CARD14: variants seen among roughly 807,000 people sequenced by gnomAD.
CARD14 encodes caspase recruitment domain-containing protein 14.
CARD14 carries 107 observed loss-of-function variants against 111.5 expected under a neutral mutation model. That is an observed-to-expected ratio of 0.96 (90% confidence interval 0.82 to 1.13). The LOEUF is 1.13. Among genes scored for constraint, CARD14 ranks in the 50% most tolerant of loss-of-function variants. CARD14 has a pLI of 0.00. For synonymous variants in CARD14, 617 were observed against 579.6 expected (o/e 1.06, Z -0.93); for missense variants, 1,322 against 1,362.3 (o/e 0.97, Z 0.47).
At chr17:80,190,051 C>A (rs1041734454) in intron 9 of CARD14, among the ~76,000 whole-genome samples, 179 bp downstream of exon 9, 5 of 152,136 alleles carry the variant, frequency 3.3e-5, no homozygotes, top group African/African-American at 1.2e-4. Context: ...CCGACTCGCA[C>A]CCCACAGCTA....
chr17:80,207,904 G>A (rs1033558566), intron 23 of CARD14, among the ~76,000 whole-genome samples: 2 of 152,068 alleles, frequency 1.3e-5, no homozygotes, highest in African/African-American at 2.4e-5. Context: ...GTTTCCTGGG[G>A]ACAGACCAAG....
Position 80,188,101 on chromosome 17 carries a change from C to T in CARD14, c.676-276C>T. On this transcript the variant is annotated intron_variant, in intron 7 of 23. Transcript: ENST00000648509. This position sits in a 1 kb window ranked among gnomAD's most constrained non-coding sequence, Gnocchi z 4.5. ...GAGATCCAGGAGTTGGTTATCAAGGCCTCTTGGTCTATTCCTGGGACCCTA... is the reference window on the plus strand; with the variant it reads ...GAGATCCAGGAGTTGGTTATCAAGGTCTCTTGGTCTATTCCTGGGACCCTA... 3.9e-6 allele frequency: 2 copies of T among 517,536 alleles called. No homozygotes were observed. The highest frequency in any genetic ancestry group is 5.3e-6 in the Non-Finnish European group (2 of 376,864). 32.1% of individuals were successfully genotyped at this position (517,536 alleles called of 1,614,324 possible).
Position 80,188,543 on chromosome 17 carries a change from T to C in CARD14, c.842T>C (p.Leu281Pro), listed in dbSNP as rs781238013. The C allele has an allele frequency of 4.7e-6, 7 of 1,501,650 alleles. No homozygotes were observed. Among genetic ancestry groups the C allele is most frequent in the Non-Finnish European group, 6.2e-6 (7 of 1,123,830 alleles). The allele number at this position is 1,501,650 out of a possible 1,614,324, so 93.0% of individuals were successfully genotyped here. A position where few individuals can be genotyped will look rare whatever the true frequency, so the allele number is the denominator to read the frequency against. Residue 281 changes from leucine to proline, a missense_variant and splice_region_variant, in exon 8 of 24, where the codon CTG (leucine) becomes CCG (proline). Coordinates refer to ENST00000648509, the MANE Select transcript of CARD14 (RefSeq NM_001366385.1). The surrounding 1 kb of genome is among the most constrained non-coding windows in gnomAD (Gnocchi z 4.5). ...NEKLRSLTFSLAEKDILEQSL... is the reference protein window; with the variant it reads ...NEKLRSLTFSPAEKDILEQSL... Reference sequence around the variant, plus strand: ...AAACTGCGCTCGCTGACTTTCAGCCTGGTAGGTTCCGGTCCCCGCAGCAGA... The same window carrying C: ...AAACTGCGCTCGCTGACTTTCAGCCCGGTAGGTTCCGGTCCCCGCAGCAGA...
At chr17:80,175,646 ACGTGCTCCTGCC>A (rs1302430307) in intron 2 of CARD14, among the ~76,000 whole-genome samples, 1 of 152,180 alleles carries the variant, frequency 6.6e-6, no homozygotes, top group Non-Finnish European at 1.5e-5. Context: ...CGCCCAGAGC[ACGTGCTCCTGCC>A]CGACACCTCC....
rs371789815 is a variant in CARD14 at position 80,199,127 on chromosome 17, G to T, written c.1851+536G>T. Among the ~76,000 whole-genome samples the T allele has an allele frequency of 1.3e-4, 20 of 152,112 alleles. No individual in the cohort carries two copies. The East Asian group carries it at 2.3e-3, about 18-fold the overall frequency. On this transcript the variant is annotated intron_variant, in intron 16 of 23. Transcript: ENST00000648509. Reference sequence around the variant, plus strand: ...GCGCTACCGTGCCCGGCTAATTTGGGGACATTTTCTAAAACTTTTTTTTGT... The same window carrying T: ...GCGCTACCGTGCCCGGCTAATTTGGTGACATTTTCTAAAACTTTTTTTTGT...
chr17:80,198,766 G>A lies in CARD14; in HGVS notation c.1851+175G>A, dbSNP rs758393918. 33 of 1,516,600 alleles carry A rather than the reference G, an allele frequency of 2.2e-5. No individual in the cohort carries two copies. Among genetic ancestry groups the A allele is most frequent in the Middle Eastern group, 1.8e-4 (1 of 5,678 alleles). 93.9% of individuals were successfully genotyped at this position (1,516,600 alleles called of 1,614,324 possible). On this transcript the variant is annotated intron_variant, in intron 16 of 23. Transcript: ENST00000648509. The surrounding 1 kb of genome is among the most constrained non-coding windows in gnomAD (Gnocchi z 7.5). ...TTCTGCTCATTTATAGATGAGAGTC[G>A]TGCCGTGCAGAACCCAGCATGTCAC...
In CARD14 at chr17:80,188,339, G is replaced by C. The variant is rs781587949; in HGVS notation, c.676-38G>C. The C allele has an allele frequency of 6.3e-7, 1 of 1,593,308 alleles. No homozygotes were observed. Among genetic ancestry groups the C allele is most frequent in the Non-Finnish European group, 8.5e-7 (1 of 1,170,088 alleles). On this transcript the variant is annotated intron_variant, in intron 7 of 23. Coordinates refer to ENST00000648509, the MANE Select transcript of CARD14 (RefSeq NM_001366385.1). This position sits in a 1 kb window ranked among gnomAD's most constrained non-coding sequence, Gnocchi z 4.5. The stretch of plus-strand genomic sequence containing the variant: ...CCAGCTCCTGATCAGGGGAGAAGCT[G>C]TTTCCATCGCCCTTCCTGTCGCCTC...
Position 80,209,139 on chromosome 17 carries a change from G to T in CARD14, c.*794G>T. 2 of 206,562 alleles carry T rather than the reference G, an allele frequency of 9.7e-6. No individual in the cohort carries two copies. Among genetic ancestry groups the T allele is most frequent in the Non-Finnish European group, 1.7e-5 (2 of 117,812 alleles). 12.8% of individuals were successfully genotyped at this position (206,562 alleles called of 1,614,324 possible). ...CAAACATCTTTACTCCACCTTCAGGGCTCGGGGAGGACCCAGGTCCGCCAG... is the reference window on the plus strand; with the variant it reads ...CAAACATCTTTACTCCACCTTCAGGTCTCGGGGAGGACCCAGGTCCGCCAG... On this transcript the variant is annotated 3_prime_UTR_variant, in exon 24 of 24. Coordinates refer to ENST00000648509, the MANE Select transcript of CARD14 (RefSeq NM_001366385.1).
chr17:80,202,504 G>T, intron 18 of CARD14, 84 bp downstream of exon 18: 2 of 1,546,100 alleles, frequency 1.3e-6, no homozygotes, highest in Non-Finnish European at 1.7e-6. Context: ...TCCTCCTCCT[G>T]CCCAGCAATA....
intron 23 of CARD14, among the ~76,000 whole-genome samples, chr17:80,207,360 G>A (rs1431100473): frequency 6.6e-6 from 1 of 152,188 alleles, no homozygotes; most frequent in Non-Finnish European, 1.5e-5. Flanking sequence ...AGACCAGCCT[G>A]GCCAACATGG....
intron 1 of CARD14, among the ~76,000 whole-genome samples, chr17:80,172,301 A>G (rs57661950): frequency 0.011 from 1,740 of 152,296 alleles, 29 homozygotes; most frequent in African/African-American, 0.04. Context: ...ATTGAAGTAG[A>G]TGTTTCGTAA....
chr17:80,202,741 G>A, intron 18 of CARD14: 1 of 539,690 alleles, frequency 1.9e-6, no homozygotes, highest in Non-Finnish European at 2.8e-6. Context: ...GCAGGATATA[G>A]AGCAGCATCC....
Position 80,198,861 on chromosome 17 carries a change from C to G in CARD14, c.1851+270C>G, listed in dbSNP as rs918995094. On this transcript the variant is annotated intron_variant, in intron 16 of 23. Transcript: ENST00000648509. This position sits in a 1 kb window ranked among gnomAD's most constrained non-coding sequence, Gnocchi z 7.5. ...CATGAGGCCCCTTGACAGGGCTGCT[C>G]TGGGTGGTCACTTTGGGTGTGTACA... 6.9e-7 allele frequency: 1 copy of G among 1,452,260 alleles called. No homozygotes were observed. The highest frequency in any genetic ancestry group is 1.4e-5 in the African/African-American group (1 of 70,836). 90.0% of individuals were successfully genotyped at this position (1,452,260 alleles called of 1,614,324 possible).
intron 6 of CARD14, 127 bp from the exon 7 acceptor site, chr17:80,183,772 TCACCCGCCCACATG>T (rs1294569229): frequency 6.7e-6 from 3 of 445,612 alleles, no homozygotes; most frequent in African/African-American, 5.1e-5. Flanking sequence ...GCCCACATGC[TCACCCGCCCACATG>T]CTCACCCGCC....
At position 80,202,283 on chromosome 17, in the gene CARD14, G is replaced by A; in HGVS notation, c.2082G>A (p.Glu694=). 1 of 1,613,894 alleles carries A rather than the reference G, an allele frequency of 6.2e-7. No homozygotes were observed. Among genetic ancestry groups the A allele is most frequent in the Middle Eastern group, 1.6e-4 (1 of 6,062 alleles). Residue 694 remains glutamate, a synonymous_variant, in exon 18 of 24, where the codon GAG becomes GAA. Coordinates refer to ENST00000648509, the MANE Select transcript of CARD14 (RefSeq NM_001366385.1). ...NLAMEGRAKG[E]LQVHCNEVLH... ...CCATGGAGGGCAGGGCCAAAGGGGAGCTGCAGGTGCATTGCAACGAGGTCC... is the reference window on the plus strand; with the variant it reads ...CCATGGAGGGCAGGGCCAAAGGGGAACTGCAGGTGCATTGCAACGAGGTCC...
Position 80,201,480 on chromosome 17 carries a change from C to A in CARD14, c.1852-264C>A. The A allele has an allele frequency of 2.0e-6, 1 of 497,084 alleles. No individual in the cohort carries two copies. The highest frequency in any genetic ancestry group is 3.6e-6 in the Non-Finnish European group (1 of 278,478). 30.8% of individuals were successfully genotyped at this position (497,084 alleles called of 1,614,324 possible). On this transcript the variant is annotated intron_variant, in intron 16 of 23. Transcript: ENST00000648509. The surrounding 1 kb of genome is among the most constrained non-coding windows in gnomAD (Gnocchi z 5.0). Reference sequence around the variant, plus strand: ...TTTTCTTTTTCAAGACAGGAAAGTGCTTATCACAAAGAACCCCCGATCTCG... The same window carrying A: ...TTTTCTTTTTCAAGACAGGAAAGTGATTATCACAAAGAACCCCCGATCTCG...
rs763738345 is a variant in CARD14, at chr17:80,190,892, G to T, written c.1082G>T (p.Arg361Leu). ...QAQVCELQKE[R>L]DQAYSARDSA... ...CAGGTGTGCGAGCTGCAGAAGGAGC[G>T]AGACCAGGTACCTGAGAGGCCGGGC... The change falls in exon 10 of 24, where the codon CGA (arginine) becomes CTA (leucine). Residue 361 changes from arginine to leucine, a missense_variant. Coordinates refer to ENST00000648509, the MANE Select transcript of CARD14 (RefSeq NM_001366385.1). 4 of 1,612,588 alleles carry T rather than the reference G, an allele frequency of 2.5e-6. No individual in the cohort carries two copies. The highest frequency in any genetic ancestry group is 3.4e-6 in the Non-Finnish European group (4 of 1,179,648).
At chr17:80,194,380 T>G (rs1009194792) in intron 12 of CARD14, among the ~76,000 whole-genome samples, 3 of 152,142 alleles carry the variant, frequency 2.0e-5, no homozygotes, top group African/African-American at 7.2e-5. Context: ...GGAATACTTA[T>G]TAGTGAAAGA....
intron 17 of CARD14, 122 bp from the exon 18 acceptor site, chr17:80,202,058 G>A: frequency 8.3e-7 from 1 of 1,207,776 alleles, no homozygotes. Flanking sequence ...ACTGACTCCA[G>A]TGCCAGAGCA....
Sources: allele counts gnomAD v4.1 joint callset (sites outside exome capture counted in the v4.1 genomes callset), GRCh38; gene constraint gnomAD v4.1.1; non-coding constraint Gnocchi (gnomAD v3.1); transcripts MANE v1.5; gene names NCBI Gene and HGNC (gene_info 2026-07-23, HGNC 2026-07-21).